ADAM12: variants seen among roughly 807,000 people sequenced by gnomAD.
ADAM12 encodes the protein ADAM metallopeptidase domain 12.
A neutral mutation model predicts 106.4 loss-of-function variants in ADAM12; 70 were observed. The ratio of observed to expected loss-of-function variants is 0.66; its 90% confidence interval spans 0.54 to 0.80. ADAM12 has a LOEUF of 0.80. Ranked by LOEUF, ADAM12 falls within the 30% of genes least tolerant of loss-of-function variation. ADAM12 has a pLI of 0.00. For synonymous variants in ADAM12, 420 were observed against 433.5 expected, an observed-to-expected ratio of 0.97 and a Z score of 0.39; for missense variants, 1,010 against 1,171.9, an observed-to-expected ratio of 0.86 and a Z score of 2.02.
chr10:126,113,780 T>C (rs1955929634), intron 6 of ADAM12, among the ~76,000 whole-genome samples: 1 of 132,606 alleles, frequency 7.5e-6, no homozygotes, highest in Non-Finnish European at 1.5e-5. Context: ...AGGGAGATGA[T>C]ATTGGATGAT....
intron 1 of ADAM12, among the ~76,000 whole-genome samples, chr10:126,334,938 C>T (rs1854646278): frequency 6.6e-6 from 1 of 152,214 alleles, no homozygotes; most frequent in African/African-American, 2.4e-5. Flanking sequence ...CAAAGCCTGA[C>T]ATCTGAGGCT....
chr10:126,064,436 A>G lies in ADAM12; in HGVS notation c.1609+370T>C, dbSNP rs1000141082. On this transcript the variant is annotated intron_variant, in intron 14 of 22. Transcript: ENST00000448723. This position sits in a 1 kb window ranked among gnomAD's most constrained non-coding sequence, Gnocchi z 4.4. ...TATCTGAGGGCAGGAGTCATGGTGG[A>G]TTCATCCCTGCCATCCCTCGGGGCA... Among the ~76,000 whole-genome samples the G allele has an allele frequency of 6.6e-6, 1 of 152,084 alleles. No homozygotes were observed. The highest frequency in any genetic ancestry group is 2.4e-5 in the African/African-American group (1 of 41,418).
intron 3 of ADAM12, among the ~76,000 whole-genome samples, chr10:126,255,629 C>G (rs999223888): frequency 1.3e-5 from 2 of 152,196 alleles, no homozygotes; most frequent in African/African-American, 4.8e-5. Context: ...ATACTAATAT[C>G]AAAACACACT....
At chr10:126,298,310 C>T (rs1960469272) in intron 2 of ADAM12, among the ~76,000 whole-genome samples, 1 of 152,070 alleles carries the variant, frequency 6.6e-6, no homozygotes, top group Non-Finnish European at 1.5e-5. Flanking sequence ...AAATGCCACA[C>T]TTCATATGTT....
intron 3 of ADAM12, among the ~76,000 whole-genome samples, chr10:126,271,312 G>A (rs1959174285): frequency 6.6e-6 from 1 of 152,144 alleles, no homozygotes; most frequent in South Asian, 2.1e-4. Flanking sequence ...CATTCATCAT[G>A]TTCTGTCCAT....
intron 3 of ADAM12, among the ~76,000 whole-genome samples, chr10:126,196,549 C>T (rs11244880): frequency 0.032 from 4,910 of 152,292 alleles, 320 homozygotes; most frequent in East Asian, 0.23. Context: ...CTGAGCAACT[C>T]TGATTGGCTC....
At chr10:126,387,208 C>T (rs1447955677) in intron 1 of ADAM12, among the ~76,000 whole-genome samples, 1 of 152,270 alleles carries the variant, frequency 6.6e-6, no homozygotes, top group Admixed American at 6.5e-5. Flanking sequence ...GGCGGAGACC[C>T]GGGGAAGTTG....
At chr10:126,086,680 A>AAAAAATATATATATATATAT (rs1554966976) in intron 11 of ADAM12, among the ~76,000 whole-genome samples, 2 of 24,266 alleles carry the variant, frequency 8.2e-5, no homozygotes, top group Admixed American at 7.9e-4. Context: ...AAAAAAAAAA[A>AAAAAATATATATATATATAT]ATATATATAT....
rs984900833 is a variant in ADAM12 at position 126,064,505 on chromosome 10, AG to A, written c.1609+300del. Among the ~76,000 whole-genome samples, 5 of 151,818 alleles carry A rather than the reference AG, an allele frequency of 3.3e-5. No individual in the cohort carries two copies. The highest frequency in any genetic ancestry group is 1.2e-4 in the African/African-American group (5 of 41,430). On this transcript the variant is annotated intron_variant, in intron 14 of 22. Transcript: ENST00000448723. The surrounding 1 kb of genome is among the most constrained non-coding windows in gnomAD (Gnocchi z 4.4). ...AGCTCCCGTATCTCCCGGGGCACACAGGTGCTCCTGCATCTTCTGTATCCCC... is the reference window on the plus strand; with the variant it reads ...AGCTCCCGTATCTCCCGGGGCACACAGTGCTCCTGCATCTTCTGTATCCCC...
At chr10:126,121,302 AAT>A (rs1210695961) in intron 5 of ADAM12, among the ~76,000 whole-genome samples, 2 of 116,610 alleles carry the variant, frequency 1.7e-5, no homozygotes, top group Non-Finnish European at 3.2e-5. Context: ...TTATACATGT[AAT>A]ATATATTATA....
chr10:126,221,419 A>G (rs1259520281), intron 3 of ADAM12, among the ~76,000 whole-genome samples: 1 of 151,880 alleles, frequency 6.6e-6, no homozygotes, highest in Non-Finnish European at 1.5e-5. Context: ...AAAGAAAGAA[A>G]GAAAGAGAAG....
chr10:126,277,392 T>C (rs1478354638), intron 3 of ADAM12, among the ~76,000 whole-genome samples: 1 of 152,228 alleles, frequency 6.6e-6, no homozygotes, highest in East Asian at 1.9e-4. Flanking sequence ...AGCCTAACAA[T>C]GGGAGCAGGT....
chr10:126,127,412 T>G (rs1956223652), intron 5 of ADAM12, among the ~76,000 whole-genome samples: 1 of 152,250 alleles, frequency 6.6e-6, no homozygotes, highest in African/African-American at 2.4e-5. Flanking sequence ...TTAAGGTTTA[T>G]GAACTGCCTG....
At chr10:126,153,958 C>G (rs1956771575) in intron 4 of ADAM12, among the ~76,000 whole-genome samples, 1 of 152,172 alleles carries the variant, frequency 6.6e-6, no homozygotes, top group South Asian at 2.1e-4. Flanking sequence ...TTTATGAAGT[C>G]TTTTTTCAAT....
intron 3 of ADAM12, among the ~76,000 whole-genome samples, chr10:126,270,792 A>C (rs1198246310): frequency 6.6e-6 from 1 of 152,212 alleles, no homozygotes; most frequent in Admixed American, 6.5e-5. Context: ...CACCCACTGC[A>C]TGGAGACAGA....
At chr10:126,256,503 T>C (rs1236684391) in intron 3 of ADAM12, among the ~76,000 whole-genome samples, 3 of 152,062 alleles carry the variant, frequency 2.0e-5, no homozygotes, top group Admixed American at 6.5e-5. Context: ...TTCTACTACC[T>C]TGAGCCGTCG....
chr10:126,024,707 A>G (rs937269767), intron 21 of ADAM12, among the ~76,000 whole-genome samples: 1 of 152,192 alleles, frequency 6.6e-6, no homozygotes, highest in African/African-American at 2.4e-5. Context: ...ATGAGAAACC[A>G]GACAAATCTA....
chr10:126,141,860 T>C (rs761864851), intron 4 of ADAM12, among the ~76,000 whole-genome samples: 2 of 152,230 alleles, frequency 1.3e-5, no homozygotes, highest in Non-Finnish European at 2.9e-5. Context: ...CCTTGCCCTA[T>C]GCAATGAGCC....
chr10:126,039,421 C>G lies in ADAM12; in HGVS notation c.2113G>C (p.Gly705Arg). 1.2e-6 allele frequency: 2 copies of G among 1,614,070 alleles called. No individual in the cohort carries two copies. The highest frequency in any genetic ancestry group is 1.7e-6 in the Non-Finnish European group (2 of 1,179,962). Residue 705 changes from glycine (G) to arginine (R), a missense_variant, in exon 19 of 23, where the codon GGT becomes CGT. Around this residue, in one of 3 missense-constraint regions of ADAM12, gnomAD observed 615 missense variants for 708.5 expected, o/e 0.87. Coordinates refer to ENST00000448723, the MANE Select transcript of ADAM12 (RefSeq NM_001288973.2). ...GTCACCAGAATTCCTATGGTTAAACCTTGGTTATCTGAAACAAAACACATG... is the reference window on the plus strand; with the variant it reads ...GTCACCAGAATTCCTATGGTTAAACGTTGGTTATCTGAAACAAAACACATG... ...SGPIRQADNQ[G>R]LTIGILVTIL...
Sources: allele counts gnomAD v4.1 joint callset (sites outside exome capture counted in the v4.1 genomes callset), GRCh38; gene constraint gnomAD v4.1.1; regional missense constraint gnomAD v4.1.1; non-coding constraint Gnocchi (gnomAD v3.1); transcripts MANE v1.5; gene names NCBI Gene and HGNC (gene_info 2026-07-23, HGNC 2026-07-21).